The following ANO10 variants were observed in gnomAD, a reference collection of about 807,000 sequenced individuals.
ANO10 encodes the protein anoctamin 10, also known as anoctamin-10.
ANO10 carries 77 observed loss-of-function variants against 74.7 expected under a neutral mutation model. The observed-to-expected ratio is 1.03, with a 90% CI of 0.86 to 1.25. ANO10 has a LOEUF of 1.25. Among genes scored for constraint, ANO10 ranks in the 50% most tolerant of loss-of-function variants. The pLI, the probability that ANO10 is intolerant of heterozygous loss-of-function variation, is 0.00. For missense variants in ANO10, 721 were observed against 778.1 expected (o/e 0.93, Z 0.87); for synonymous variants, 279 against 284.9 (o/e 0.98, Z 0.21).
chr3:43,370,134 C>T (rs940709038), intron 12 of ANO10, among the ~76,000 whole-genome samples: 5 of 152,174 alleles, frequency 3.3e-5, no homozygotes, highest in African/African-American at 9.7e-5. Flanking sequence ...CTAACCACAG[C>T]CCTGGCCCAA....
At chr3:43,522,835 A>G (rs528693747) in intron 11 of ANO10, among the ~76,000 whole-genome samples, 1 of 152,236 alleles carries the variant, frequency 6.6e-6, no homozygotes, top group East Asian at 1.9e-4. Context: ...CCATTGGCAT[A>G]GCACTGCCAC....
intron 11 of ANO10, among the ~76,000 whole-genome samples, chr3:43,465,833 A>G (rs2075588146): frequency 6.6e-6 from 1 of 152,218 alleles, no homozygotes; most frequent in African/African-American, 2.4e-5. Context: ...GTTGTGAAAA[A>G]TTAAAGAGGA....
Position 43,366,845 on chromosome 3 carries a change from C to T in ANO10, c.*61G>A, listed in dbSNP as rs538163972. On this transcript the variant is annotated 3_prime_UTR_variant, in exon 13 of 13. Transcript: ENST00000292246. ...CTGCCCCGGGTACCCCCCCTGCCAC[C>T]GTGGCAGGTGTGGCACAGACACAGG... 203 of 1,488,156 alleles carry T rather than the reference C, an allele frequency of 1.4e-4. 1 individual carries two copies. The highest frequency in any genetic ancestry group is 1.2e-3 in the South Asian group (99 of 82,946). The allele number at this position is 1,488,156 out of a possible 1,614,324, so 92.2% of individuals were successfully genotyped here.
At chr3:43,373,231 G>A (rs912969950) in intron 12 of ANO10, among the ~76,000 whole-genome samples, 12 of 151,900 alleles carry the variant, frequency 7.9e-5, no homozygotes, top group Non-Finnish European at 1.5e-4. Flanking sequence ...GTGGAGTGAC[G>A]GGCGAGTGTG....
chr3:43,396,822 C>T (rs1374602015), intron 12 of ANO10, among the ~76,000 whole-genome samples: 2 of 152,040 alleles, frequency 1.3e-5, no homozygotes, highest in African/African-American at 2.4e-5. Flanking sequence ...TGTGCACCAG[C>T]ATGCCAGGTC....
At chr3:43,439,631 G>T (rs2093128669) in intron 11 of ANO10, among the ~76,000 whole-genome samples, 1 of 152,014 alleles carries the variant, frequency 6.6e-6, no homozygotes, top group Admixed American at 6.6e-5. Flanking sequence ...TATAATTCCA[G>T]CACTTTGAGA....
intron 9 of ANO10, among the ~76,000 whole-genome samples, chr3:43,557,536 C>T (rs1342533754): frequency 1.3e-5 from 2 of 151,434 alleles, no homozygotes; most frequent in African/African-American, 4.9e-5. Flanking sequence ...GAGATTGAGA[C>T]CATCCTGGCT....
chr3:43,595,838 A>G (rs995781993), intron 4 of ANO10, among the ~76,000 whole-genome samples: 1 of 152,164 alleles, frequency 6.6e-6, no homozygotes, highest in Admixed American at 6.6e-5. Context: ...GTTTGTAGAT[A>G]ACATGACTGT....
intron 11 of ANO10, among the ~76,000 whole-genome samples, chr3:43,515,691 T>C (rs2077680763): frequency 1.3e-5 from 2 of 152,118 alleles, no homozygotes; most frequent in South Asian, 4.2e-4. Context: ...ATAGAGAAAA[T>C]AAAAGCACAG....
intron 12 of ANO10, among the ~76,000 whole-genome samples, chr3:43,393,036 T>TG (rs1350493556): frequency 2.0e-5 from 3 of 152,230 alleles, no homozygotes; most frequent in Non-Finnish European, 4.4e-5. Flanking sequence ...CAGGCTACTG[T>TG]GGACAGTGAG....
At chr3:43,408,661 T>C (rs1258056730) in intron 12 of ANO10, among the ~76,000 whole-genome samples, 1 of 152,218 alleles carries the variant, frequency 6.6e-6, no homozygotes, top group African/African-American at 2.4e-5. Context: ...GAGCTCCGGA[T>C]AGGATCACTC....
rs550505514 is a variant in ANO10, at chr3:43,416,911, A to G, written c.1914+15700T>C. 1.9e-4 allele frequency among the ~76,000 whole-genome samples: 29 copies of G among 152,318 alleles called. No homozygotes were observed. In the South Asian group the frequency reaches 5.6e-3, roughly 29 times the overall value. ...CAAACATCCACTCTGTGTACCTAAC[A>G]ATCGCCTCATTAACTTATTTATGCC... On this transcript the variant is annotated intron_variant, in intron 12 of 12. Transcript: ENST00000292246.
chr3:43,633,744 T>C (rs1052256098), intron 1 of ANO10, among the ~76,000 whole-genome samples: 33 of 152,304 alleles, frequency 2.2e-4, no homozygotes, highest in African/African-American at 7.7e-4. Flanking sequence ...ACAAGACTCC[T>C]GGGTCAGAGA....
chr3:43,465,107 A>G (rs1225738118), intron 11 of ANO10, among the ~76,000 whole-genome samples: 1 of 152,200 alleles, frequency 6.6e-6, no homozygotes, highest in East Asian at 1.9e-4. Context: ...GTAAATCCTA[A>G]GTTTTACCCC....
chr3:43,688,915 G>A (rs1019899512), intron 1 of ANO10, among the ~76,000 whole-genome samples: 3 of 152,028 alleles, frequency 2.0e-5, no homozygotes, highest in Non-Finnish European at 2.9e-5. Context: ...TCATGGTTCT[G>A]CAGGCTATAC....
At chr3:43,659,163 C>T (rs2083891269) in intron 1 of ANO10, among the ~76,000 whole-genome samples, 2 of 152,124 alleles carry the variant, frequency 1.3e-5, no homozygotes, top group South Asian at 4.1e-4. Context: ...GTGATTTCTG[C>T]ATTTCCAACT....
intron 12 of ANO10, among the ~76,000 whole-genome samples, chr3:43,386,141 G>A (rs2092108879): frequency 6.6e-6 from 1 of 152,130 alleles, no homozygotes; most frequent in Non-Finnish European, 1.5e-5. Context: ...AGGAAGTTGT[G>A]ATTTCAAGGA....
At chr3:43,683,143 C>T (rs1287375989) in intron 1 of ANO10, among the ~76,000 whole-genome samples, 3 of 152,154 alleles carry the variant, frequency 2.0e-5, no homozygotes, top group Non-Finnish European at 2.9e-5. Flanking sequence ...GTCTAATTGT[C>T]CCTGTTTGCA....
intron 1 of ANO10, among the ~76,000 whole-genome samples, chr3:43,684,340 T>C (rs1429844526): frequency 6.6e-6 from 1 of 152,220 alleles, no homozygotes; most frequent in Non-Finnish European, 1.5e-5. Context: ...ATGCTCATCA[T>C]CACTGGTTAT....
Sources: gnomAD v4.1 joint callset for allele counts (sites outside exome capture counted in the v4.1 genomes callset) on GRCh38, gnomAD v4.1.1 for gene constraint, MANE v1.5 for transcripts, NCBI Gene and HGNC (gene_info 2026-07-23, HGNC 2026-07-21) for gene names.